EPB41L5: variants seen among roughly 807,000 people sequenced by gnomAD.
EPB41L5 encodes band 4.1-like protein 5.
Under a neutral mutation model 106.6 loss-of-function variants are expected in EPB41L5, and 55 were observed. The observed-to-expected ratio is 0.52, with a 90% CI of 0.42 to 0.65. The LOEUF is 0.65. Among genes scored for constraint, EPB41L5 ranks in the 30% least tolerant of loss-of-function variants. The pLI, the probability that EPB41L5 is intolerant of heterozygous loss-of-function variation, is 0.00. For synonymous variants in EPB41L5, 297 were observed against 306.7 expected (o/e 0.97, Z 0.33); for missense variants, 871 against 882.1 (o/e 0.99, Z 0.16).
intron 1 of EPB41L5, among the ~76,000 whole-genome samples, chr2:120,016,573 A>G (rs1033059638): frequency 6.6e-6 from 1 of 151,328 alleles, no homozygotes; most frequent in African/African-American, 2.4e-5. Flanking sequence ...ATTTTTTTTC[A>G]TTTGGATTTT....
chr2:120,126,439 A>G (rs1038230322), intron 16 of EPB41L5, among the ~76,000 whole-genome samples: 4 of 152,154 alleles, frequency 2.6e-5, no homozygotes, highest in African/African-American at 9.6e-5. Flanking sequence ...TTTACTCTTA[A>G]CACTTAGGTC....
At chr2:120,067,225 A>G (rs1216571347) in intron 3 of EPB41L5, among the ~76,000 whole-genome samples, 1 of 152,230 alleles carries the variant, frequency 6.6e-6, no homozygotes, top group East Asian at 1.9e-4. Context: ...AAACATGGAA[A>G]GGTATTTTGC....
chr2:120,165,989 A>C (rs939221008), intron 22 of EPB41L5, among the ~76,000 whole-genome samples: 4 of 151,236 alleles, frequency 2.6e-5, no homozygotes, highest in African/African-American at 4.9e-5. Flanking sequence ...AAAAAAAAAA[A>C]AAAAACAGAA....
intron 3 of EPB41L5, among the ~76,000 whole-genome samples, chr2:120,044,258 T>A (rs1679620637): frequency 2.0e-5 from 3 of 152,194 alleles, no homozygotes; most frequent in African/African-American, 7.2e-5. Context: ...AGATATTTCT[T>A]TTATTTTTCT....
intron 16 of EPB41L5, among the ~76,000 whole-genome samples, chr2:120,109,622 A>G (rs968228643): frequency 6.6e-6 from 1 of 152,104 alleles, no homozygotes; most frequent in Admixed American, 6.5e-5. Flanking sequence ...CATTTGAGCA[A>G]TCCTCCGTTT....
Position 120,100,719 on chromosome 2 carries a change from T to C in EPB41L5, c.1242T>C (p.Ala414=). 6.2e-7 allele frequency: 1 copy of C among 1,613,972 alleles called. No individual in the cohort carries two copies. Among genetic ancestry groups the C allele is most frequent in the Non-Finnish European group, 8.5e-7 (1 of 1,179,870 alleles). ...GSQQAWGMRS[A]LPVSPSISSA... ...CAAAGGCTTGGGGGATGAGATCTGC[T>C]CTGCCTGTGAGTCCTTCCATTTCCT... The change falls in exon 16 of 25, where the codon GCT becomes GCC. Residue 414 remains alanine (A), a synonymous_variant. Coordinates refer to ENST00000263713, the MANE Select transcript of EPB41L5 (RefSeq NM_020909.4).
intron 17 of EPB41L5, among the ~76,000 whole-genome samples, chr2:120,130,496 A>G (rs915758702): frequency 3.3e-5 from 5 of 152,260 alleles, no homozygotes; most frequent in African/African-American, 1.2e-4. Flanking sequence ...ACAAAATAGT[A>G]TAGCAGAAAA....
chr2:120,167,835 G>A, intron 23 of EPB41L5, 42 bp from the exon 24 acceptor site: 1 of 1,612,120 alleles, frequency 6.2e-7, no homozygotes, highest in Non-Finnish European at 8.5e-7. Flanking sequence ...GACCAGGCAG[G>A]TATTGTTACC....
At chr2:120,074,721 C>G (rs1035604356) in intron 5 of EPB41L5, among the ~76,000 whole-genome samples, 2 of 152,132 alleles carry the variant, frequency 1.3e-5, no homozygotes, top group Non-Finnish European at 2.9e-5. Flanking sequence ...TATACACATA[C>G]TATTTATTAA....
At chr2:120,122,080 T>G (rs1301423125) in intron 16 of EPB41L5, among the ~76,000 whole-genome samples, 2 of 152,234 alleles carry the variant, frequency 1.3e-5, no homozygotes, top group Non-Finnish European at 2.9e-5. Context: ...TATTAGCCCT[T>G]TGTCAGATGG....
intron 20 of EPB41L5, among the ~76,000 whole-genome samples, chr2:120,153,948 ACT>A (rs1260019033): frequency 1.3e-5 from 2 of 151,994 alleles, no homozygotes; most frequent in African/African-American, 4.8e-5. Context: ...TCTTTCTGCC[ACT>A]CTCTACCATC....
chr2:120,061,038 T>TTTG (rs1484748119), intron 3 of EPB41L5, among the ~76,000 whole-genome samples: 4 of 106,980 alleles, frequency 3.7e-5, no homozygotes, highest in Non-Finnish European at 8.1e-5. Context: ...GAAGTTTTTT[T>TTTG]TTTTTTTTTT....
At chr2:120,085,404 G>A (rs564772915) in intron 10 of EPB41L5, among the ~76,000 whole-genome samples, 155 of 152,350 alleles carry the variant, frequency 1.0e-3, no homozygotes, top group African/African-American at 3.3e-3. Context: ...GGTATCACCA[G>A]TGGAGGCTGC....
chr2:120,067,686 A>C (rs1681539041), intron 3 of EPB41L5, among the ~76,000 whole-genome samples: 1 of 152,178 alleles, frequency 6.6e-6, no homozygotes. Flanking sequence ...GATTATGAGA[A>C]AGATCTAATT....
chr2:120,084,845 A>G (rs1027485337), intron 10 of EPB41L5, among the ~76,000 whole-genome samples: 5 of 151,858 alleles, frequency 3.3e-5, no homozygotes, highest in African/African-American at 1.2e-4. Flanking sequence ...TTTTTTCTCT[A>G]AACTTCTCTT....
At chr2:120,153,415 G>A (rs1431250626) in intron 20 of EPB41L5, among the ~76,000 whole-genome samples, 1 of 152,072 alleles carries the variant, frequency 6.6e-6, no homozygotes, top group East Asian at 1.9e-4. Flanking sequence ...CAGTCTAGTA[G>A]AGAATGTTTT....
chr2:120,113,990 A>G (rs989922086), intron 16 of EPB41L5, among the ~76,000 whole-genome samples: 10 of 152,326 alleles, frequency 6.6e-5, no homozygotes, highest in South Asian at 4.1e-4. Flanking sequence ...TGTGTTCTCA[A>G]TTGTCATGGT....
intron 2 of EPB41L5, among the ~76,000 whole-genome samples, chr2:120,019,913 T>A (rs981660661): frequency 7.8e-3 from 1 of 128 alleles, no homozygotes; most frequent in Admixed American, 0.1. Flanking sequence ...TTGGATAGAT[T>A]TTTTTTTTTT....
chr2:120,054,630 T>G (rs189673879), intron 3 of EPB41L5, among the ~76,000 whole-genome samples: 2 of 151,494 alleles, frequency 1.3e-5, no homozygotes, highest in East Asian at 3.9e-4. Flanking sequence ...GCCTCCGAAG[T>G]ACCTGGGACA....
Sources: allele counts gnomAD v4.1 joint callset (sites outside exome capture counted in the v4.1 genomes callset), GRCh38; gene constraint gnomAD v4.1.1; transcripts MANE v1.5; gene names NCBI Gene and HGNC (gene_info 2026-07-23, HGNC 2026-07-21).